LGALS9C: variants seen among roughly 807,000 people sequenced by gnomAD.
LGALS9C encodes the protein galectin 9C.
A neutral mutation model predicts 41.3 loss-of-function variants in LGALS9C; 7 were observed. The observed-to-expected ratio is 0.17, with a 90% CI of 0.10 to 0.32. The LOEUF is 0.32. LGALS9C is among the 10% of genes least tolerant of loss of function. The pLI is 1.00. For synonymous variants in LGALS9C, 44 were observed against 171.0 expected (o/e 0.26, Z 5.80); for missense variants, 102 against 455.2 (o/e 0.22, Z 7.06).
rs779319317 is a variant in LGALS9C, at chr17:18,492,859, G to C, written c.924G>C (p.Ser308=). 2 of 1,477,506 alleles carry C rather than the reference G, an allele frequency of 1.4e-6. No individual in the cohort carries two copies. Among genetic ancestry groups the C allele is most frequent in the Non-Finnish European group, 1.9e-6 (2 of 1,072,600 alleles). The allele number at this position is 1,477,506 out of a possible 1,614,324, so 91.5% of individuals were successfully genotyped here. A position where few individuals can be genotyped will look rare whatever the true frequency, so the allele number is the denominator to read the frequency against. ...KMPFVRGQSF[S]VWILCEAHCL... is the part of the protein sequence containing the mutation. ...CCTTCGTCCGAGGCCAGAGCTTCTC[G>C]GTAAGGCGCCGCAGCCTGGAGCTTG... Residue 308 remains serine, a splice_region_variant and synonymous_variant, in exon 10 of 11, where the codon TCG becomes TCC. Transcript: ENST00000328114.
At chr17:18,484,767 C>G (rs1989530699) in intron 2 of LGALS9C, among the ~76,000 whole-genome samples, 1 of 151,060 alleles carries the variant, frequency 6.6e-6, no homozygotes, top group Non-Finnish European at 1.5e-5. Flanking sequence ...CCAGCTCAAC[C>G]TCAGCTCCGC....
At position 18,492,410 on chromosome 17, in the gene LGALS9C, G is replaced by A. The variant is rs553013550; in HGVS notation, c.673-47G>A. 54 of 1,508,642 alleles carry A rather than the reference G, an allele frequency of 3.6e-5. 3 individuals are homozygous for A. The African/African-American group carries it at 5.3e-4, about 15-fold the overall frequency. The allele number at this position is 1,508,642 out of a possible 1,614,324, so 93.5% of individuals were successfully genotyped here. On this transcript the variant is annotated intron_variant, in intron 8 of 10. Coordinates refer to ENST00000328114, the MANE Select transcript of LGALS9C (RefSeq NM_001040078.3). The stretch of plus-strand genomic sequence containing the variant: ...GTACAATCTTCCCCTTCCATGTGGC[G>A]GCTGCCCTGACTGCCACTGGCTGAC...
intron 1 of LGALS9C, among the ~76,000 whole-genome samples, chr17:18,478,491 G>T (rs1192998428): frequency 8.1e-6 from 1 of 122,742 alleles, no homozygotes; most frequent in Admixed American, 7.9e-5. Flanking sequence ...GGCAGTCGGA[G>T]TCACGCTTTC....
In LGALS9C at chr17:18,477,446, G is replaced by A. The variant is rs187850331; in HGVS notation, c.39+553G>A. On this transcript the variant is annotated intron_variant, in intron 1 of 10. Transcript: ENST00000328114. ...TGTAGGTGCTTTGGGAGTGTTTCAT[G>A]TTATTGGGAGTCTGGGTGCAGCAGG... Among the ~76,000 whole-genome samples, 8 of 124,020 alleles carry A rather than the reference G, an allele frequency of 6.5e-5. No individual in the cohort carries two copies. In the East Asian group the frequency reaches 1.6e-3, roughly 24 times the overall value. 81.4% of individuals were successfully genotyped at this position (124,020 alleles called of 152,430 possible).
chr17:18,480,112 G>A lies in LGALS9C; in HGVS notation c.39+3219G>A, dbSNP rs550075388. On this transcript the variant is annotated intron_variant, in intron 1 of 10. Coordinates refer to ENST00000328114, the MANE Select transcript of LGALS9C (RefSeq NM_001040078.3). ...AGTCCCAGCTACCTGGGAGGCTGAG[G>A]TGGGAGGATCGCGTGAGCCTGGGGA... is the stretch of plus-strand genomic sequence containing the variant. 6.8e-3 allele frequency among the ~76,000 whole-genome samples: 830 copies of A among 121,480 alleles called. 30 individuals carry two copies. Among genetic ancestry groups the A allele is most frequent in the African/African-American group, 0.021 (804 of 37,974 alleles). 79.7% of individuals were successfully genotyped at this position (121,480 alleles called of 152,430 possible). A position where few individuals can be genotyped will look rare whatever the true frequency, so the allele number is the denominator to read the frequency against.
intron 1 of LGALS9C, among the ~76,000 whole-genome samples, chr17:18,480,991 C>T (rs1288235539): frequency 2.1e-5 from 3 of 146,144 alleles, no homozygotes; most frequent in Non-Finnish European, 4.7e-5. Context: ...GCTTGGTGGC[C>T]TGCACTTATT....
chr17:18,488,076 T>G (rs1238922348), intron 4 of LGALS9C, among the ~76,000 whole-genome samples: 5 of 132,470 alleles, frequency 3.8e-5, no homozygotes, highest in African/African-American at 1.0e-4. Flanking sequence ...AGAACCAAAC[T>G]GAATCCAGTT....
intron 1 of LGALS9C, among the ~76,000 whole-genome samples, chr17:18,482,067 C>T (rs1243326404): frequency 6.6e-6 from 1 of 150,670 alleles, no homozygotes. Context: ...CTTCTCTTCC[C>T]ACCTTCAGAT....
At chr17:18,488,268 C>G (rs930464948) in intron 4 of LGALS9C, among the ~76,000 whole-genome samples, 1 of 120,674 alleles carries the variant, frequency 8.3e-6, no homozygotes, top group African/African-American at 2.7e-5. Context: ...TGGGCCCACA[C>G]CAGGGTCTGT....
Position 18,478,533 on chromosome 17 carries a change from G to A in LGALS9C, c.39+1640G>A, listed in dbSNP as rs554376580. On this transcript the variant is annotated intron_variant, in intron 1 of 10. Transcript: ENST00000328114. ...TGCCGACAGTGGGGGAAGGTCACGC[G>A]GTTCATGTCCTGCTGAGGAGGGCTG... Among the ~76,000 whole-genome samples, 9 of 129,736 alleles carry A rather than the reference G, an allele frequency of 6.9e-5. No individual in the cohort carries two copies. The East Asian group carries it at 1.4e-3, about 20-fold the overall frequency. 85.1% of individuals were successfully genotyped at this position (129,736 alleles called of 152,430 possible). A position where few individuals can be genotyped will look rare whatever the true frequency, so the allele number is the denominator to read the frequency against.
In LGALS9C at chr17:18,478,262, ATAT is replaced by A. The variant is rs1017791371; in HGVS notation, c.39+1377_39+1379del. Among the ~76,000 whole-genome samples, 7 of 128,710 alleles carry A rather than the reference ATAT, an allele frequency of 5.4e-5. 1 individual carries two copies. Among genetic ancestry groups the A allele is most frequent in the Admixed American group, 3.0e-4 (4 of 13,334 alleles). 84.4% of individuals were successfully genotyped at this position (128,710 alleles called of 152,430 possible). On this transcript the variant is annotated intron_variant, in intron 1 of 10. Coordinates refer to ENST00000328114, the MANE Select transcript of LGALS9C (RefSeq NM_001040078.3). ...CCCAGAGCTTCTTCCAGGTTCTGAC[ATAT>A]TATTATTCTGGTAACTGGTTTTTAC...
chr17:18,482,914 G>A lies in LGALS9C; in HGVS notation c.40-961G>A, dbSNP rs1386693330. Among the ~76,000 whole-genome samples the A allele has an allele frequency of 6.6e-5, 8 of 120,516 alleles. 3 individuals are homozygous for A. Among genetic ancestry groups the A allele is most frequent in the Non-Finnish European group, 1.2e-4 (6 of 49,564 alleles). 79.1% of individuals were successfully genotyped at this position (120,516 alleles called of 152,430 possible). A position where few individuals can be genotyped will look rare whatever the true frequency, so the allele number is the denominator to read the frequency against. ...AATTTTGCTCAGAGAGACCAAGGTG[G>A]GGGGTGGGTGACAGTGGTGAAGCGT... On this transcript the variant is annotated intron_variant, in intron 1 of 10. Coordinates refer to ENST00000328114, the MANE Select transcript of LGALS9C (RefSeq NM_001040078.3).
chr17:18,479,576 C>G (rs574178097), intron 1 of LGALS9C, among the ~76,000 whole-genome samples: 2 of 122,146 alleles, frequency 1.6e-5, no homozygotes, highest in African/African-American at 5.2e-5. Context: ...GTCAGAATTG[C>G]TAGTGTACAG....
chr17:18,477,843 C>G (rs1349377972), intron 1 of LGALS9C, among the ~76,000 whole-genome samples: 1 of 129,160 alleles, frequency 7.7e-6, no homozygotes, highest in Non-Finnish European at 1.9e-5. Flanking sequence ...GGCTGATGGG[C>G]CCTTCCTGAG....
chr17:18,479,358 A>G (rs1280069886), intron 1 of LGALS9C, among the ~76,000 whole-genome samples: 1 of 129,854 alleles, frequency 7.7e-6, no homozygotes, highest in African/African-American at 2.5e-5. Flanking sequence ...GGCTCAGCAC[A>G]TGGCATCGCA....
At chr17:18,477,149 C>T (rs1271065596) in intron 1 of LGALS9C, among the ~76,000 whole-genome samples, 4 of 134,350 alleles carry the variant, frequency 3.0e-5, no homozygotes, top group Non-Finnish European at 5.3e-5. Context: ...CTGTCCTGTG[C>T]GCTCAGGGGA....
intron 2 of LGALS9C, among the ~76,000 whole-genome samples, chr17:18,484,839 C>T (rs1989534716): frequency 6.7e-6 from 1 of 150,192 alleles, no homozygotes; most frequent in Non-Finnish European, 1.5e-5. Flanking sequence ...TCTCTGAGAG[C>T]CTGCAGTGCC....
chr17:18,486,858 G>A (rs533531383), intron 3 of LGALS9C: 1,941 of 149,766 alleles, frequency 0.013, 69 homozygotes, highest in African/African-American at 0.044. Context: ...GGACACAAGC[G>A]GGGAAACAAC....
At chr17:18,484,787 T>C (rs539588892) in intron 2 of LGALS9C, among the ~76,000 whole-genome samples, 1 of 151,032 alleles carries the variant, frequency 6.6e-6, no homozygotes, top group African/African-American at 2.4e-5. Flanking sequence ...CCACCTAGAT[T>C]CTTGATGACC....
Sources: gnomAD v4.1 joint callset for allele counts (sites outside exome capture counted in the v4.1 genomes callset) on GRCh38, gnomAD v4.1.1 for gene constraint, MANE v1.5 for transcripts, NCBI Gene and HGNC (gene_info 2026-07-23, HGNC 2026-07-21) for gene names.